The following FBXL13 variants were observed in gnomAD, a reference collection of about 807,000 sequenced individuals.
FBXL13 encodes the protein F-box and leucine rich repeat protein 13.
A neutral mutation model predicts 83.6 loss-of-function variants in FBXL13; 67 were observed. That is an observed-to-expected ratio of 0.80 (90% CI 0.66 to 0.98). FBXL13 has a LOEUF of 0.98. Among genes scored for constraint, FBXL13 ranks in the 50% least tolerant of loss-of-function variants. The pLI, the probability that FBXL13 is intolerant of heterozygous loss-of-function variation, is 0.00. For synonymous variants in FBXL13, 272 were observed against 299.5 expected, an observed-to-expected ratio of 0.91 and a Z score of 0.95; for missense variants, 822 against 866.5, an observed-to-expected ratio of 0.95 and a Z score of 0.64.
chr7:102,964,310 C>CAAAA (rs142441296), intron 7 of FBXL13, among the ~76,000 whole-genome samples: 1 of 141,994 alleles, frequency 7.0e-6, no homozygotes. Flanking sequence ...AACTCCAACT[C>CAAAA]AAAAAAAAAA....
chr7:102,924,238 CAAA>C (rs564121170), intron 10 of FBXL13, among the ~76,000 whole-genome samples: 18 of 54,388 alleles, frequency 3.3e-4, no homozygotes, highest in African/African-American at 8.2e-4. Context: ...AACTCCGTCT[CAAA>C]AAAAAAAAAA....
intron 19 of FBXL13, among the ~76,000 whole-genome samples, chr7:102,821,441 G>A (rs2129445564): frequency 6.6e-6 from 1 of 152,292 alleles, no homozygotes; most frequent in African/African-American, 2.4e-5. Context: ...CAGGGCTCAT[G>A]GTTCAGCTCA....
At chr7:102,998,709 G>A (rs996923656) in intron 6 of FBXL13, among the ~76,000 whole-genome samples, 13 of 152,060 alleles carry the variant, frequency 8.5e-5, no homozygotes, top group African/African-American at 3.1e-4. Context: ...GCTCCTGCCT[G>A]TAATCCCAGC....
At chr7:102,816,647 C>T (rs1417080840) in intron 19 of FBXL13, among the ~76,000 whole-genome samples, 1 of 152,126 alleles carries the variant, frequency 6.6e-6, no homozygotes, top group East Asian at 1.9e-4. Context: ...AGGGTGTACA[C>T]GTGCAGGTTT....
At chr7:102,963,641 C>G in exon 8 of FBXL13, 1 of 1,601,488 alleles carries the variant, frequency 6.2e-7, no homozygotes, top group Non-Finnish European at 8.5e-7. Flanking sequence ...TCTGGAATCA[C>G]ATTTTTCACT....
intron 8 of FBXL13, among the ~76,000 whole-genome samples, chr7:102,963,009 A>T (rs1198967474): frequency 3.5e-5 from 5 of 142,598 alleles, no homozygotes; most frequent in African/African-American, 1.3e-4. Flanking sequence ...ATATATATAA[A>T]AAAAAAAAAA....
At chr7:102,857,138 G>T (rs1196117652) in intron 16 of FBXL13, among the ~76,000 whole-genome samples, 1 of 151,322 alleles carries the variant, frequency 6.6e-6, no homozygotes, top group African/African-American at 2.5e-5. Flanking sequence ...GCTATTAGAA[G>T]AAAACAGGGG....
chr7:102,916,915 G>GT (rs772427604), intron 10 of FBXL13, among the ~76,000 whole-genome samples: 8 of 150,836 alleles, frequency 5.3e-5, no homozygotes, highest in East Asian at 1.9e-4. Context: ...TTTCTTTTGG[G>GT]TTTTTTTCCA....
At chr7:103,012,287 A>C (rs1433066617) in intron 6 of FBXL13, among the ~76,000 whole-genome samples, 1 of 151,692 alleles carries the variant, frequency 6.6e-6, no homozygotes, top group Non-Finnish European at 1.5e-5. Context: ...AGGCAGGAGA[A>C]TCGCTTGAAC....
At chr7:103,047,611 A>G (rs1796399427) in intron 2 of FBXL13, among the ~76,000 whole-genome samples, 1 of 152,230 alleles carries the variant, frequency 6.6e-6, no homozygotes, top group Non-Finnish European at 1.5e-5. Flanking sequence ...TATTTCTGTG[A>G]TATACAATAA....
intron 11 of FBXL13, among the ~76,000 whole-genome samples, chr7:102,912,684 CAAAAAAAA>C (rs1554452561): frequency 1.1e-3 from 120 of 114,258 alleles, no homozygotes; most frequent in Non-Finnish European, 1.3e-3. Flanking sequence ...CCCCCCCCCC[CAAAAAAAA>C]ACCCATGTGG....
At chr7:102,848,439 C>T (rs1173287753) in intron 17 of FBXL13, among the ~76,000 whole-genome samples, 1 of 96,706 alleles carries the variant, frequency 1.0e-5, no homozygotes, top group Admixed American at 9.2e-5. Flanking sequence ...GCCTGTAGTC[C>T]CAGCTACTCG....
At chr7:102,892,196 A>C (rs1811619510) in intron 11 of FBXL13, among the ~76,000 whole-genome samples, 1 of 152,148 alleles carries the variant, frequency 6.6e-6, no homozygotes, top group Non-Finnish European at 1.5e-5. Context: ...GTCCCCTGAG[A>C]CTCATCACTT....
At chr7:102,944,546 A>C (rs763403763) in intron 8 of FBXL13, 1 of 1,612,632 alleles carries the variant, frequency 6.2e-7, no homozygotes, top group Admixed American at 1.7e-5. Context: ...GATGAATGGG[A>C]AAAAAAACAT....
Position 102,884,204 on chromosome 7 carries a change from A to G in FBXL13, c.1107+10T>C. 6.3e-7 allele frequency: 1 copy of G among 1,599,328 alleles called. No homozygotes were observed. The highest frequency in any genetic ancestry group is 8.6e-7 in the Non-Finnish European group (1 of 1,166,716). ...GGACAGAAAAGTAAAGGTACTTCCC[A>G]ACTACCTACTTTTACACAGTTGTCC... is the stretch of plus-strand genomic sequence containing the variant. On this transcript the variant is annotated intron_variant, in intron 12 of 19. Transcript: ENST00000313221.
rs922388569 is a variant in FBXL13, at chr7:102,951,783, C to G, written c.724+11750G>C. On this transcript the variant is annotated intron_variant, in intron 8 of 19. Transcript: ENST00000313221. Reference sequence around the variant, plus strand: ...TCATGCCAGTGTACTCCAGCCTGGGCAACAAAGTGAAACTCTCTCTCCAAA... The same window carrying G: ...TCATGCCAGTGTACTCCAGCCTGGGGAACAAAGTGAAACTCTCTCTCCAAA... Among the ~76,000 whole-genome samples the G allele has an allele frequency of 8.6e-4, 72 of 83,720 alleles. 1 individual carries two copies. Among genetic ancestry groups the G allele is most frequent in the Admixed American group, 8.2e-3 (51 of 6,228 alleles). The allele number at this position is 83,720 out of a possible 152,430, so 54.9% of individuals were successfully genotyped here.
chr7:103,033,020 ACTCT>A (rs777180380), intron 2 of FBXL13, among the ~76,000 whole-genome samples: 10 of 150,936 alleles, frequency 6.6e-5, no homozygotes, highest in South Asian at 6.3e-4. Flanking sequence ...ACAGAGTGAG[ACTCT>A]CTCTCTCTGT....
At chr7:102,842,495 T>A (rs1345199245) in intron 17 of FBXL13, among the ~76,000 whole-genome samples, 1 of 152,252 alleles carries the variant, frequency 6.6e-6, no homozygotes, top group African/African-American at 2.4e-5. Context: ...CTGATGAGAA[T>A]GATTGATGAG....
At chr7:102,942,263 TA>T in intron 8 of FBXL13, 2 of 1,573,176 alleles carry the variant, frequency 1.3e-6, no homozygotes, top group Non-Finnish European at 1.7e-6. Context: ...AAAGAAGTTT[TA>T]AAATGAAAGG....
Sources: gnomAD v4.1 joint callset for allele counts (sites outside exome capture counted in the v4.1 genomes callset) on GRCh38, gnomAD v4.1.1 for gene constraint, MANE v1.5 for transcripts, NCBI Gene and HGNC (gene_info 2026-07-23, HGNC 2026-07-21) for gene names.